TMED3: variants seen among roughly 807,000 people sequenced by gnomAD.
The protein encoded by TMED3 is transmembrane p24 trafficking protein 3.
A neutral mutation model predicts 15.0 loss-of-function variants in TMED3; 9 were observed. The observed-to-expected ratio is 0.60, with a 90% confidence interval of 0.36 to 1.04. TMED3 has a LOEUF of 1.04. TMED3 is among the 50% of genes least tolerant of loss of function. The pLI is 0.01. For synonymous variants in TMED3, 117 were observed against 121.4 expected, an observed-to-expected ratio of 0.96 and a Z score of 0.24; for missense variants, 267 against 278.9, an observed-to-expected ratio of 0.96 and a Z score of 0.30.
chr15:79,324,996 G>A (rs2058782263), downstream of TMED3, among the ~76,000 whole-genome samples: 1 of 152,128 alleles, frequency 6.6e-6, no homozygotes, highest in African/African-American at 2.4e-5. Flanking sequence ...AACAGAATTA[G>A]GATTCACCCT....
Position 79,322,348 on chromosome 15 carries a change from T to C in TMED3, c.*134T>C. ...TGCTGTGGTAGCCCTTTGCCTTTCA[T>C]GCCCATGCTTGATTCTTGCACCTCA... On this transcript the variant is annotated 3_prime_UTR_variant, in exon 3 of 3. Coordinates refer to ENST00000299705, the MANE Select transcript of TMED3 (RefSeq NM_007364.4). 6.8e-7 allele frequency: 1 copy of C among 1,478,830 alleles called. No individual in the cohort carries two copies. The highest frequency in any genetic ancestry group is 8.9e-7 in the Non-Finnish European group (1 of 1,119,534). 91.6% of individuals were successfully genotyped at this position (1,478,830 alleles called of 1,614,324 possible). A position where few individuals can be genotyped will look rare whatever the true frequency, so the allele number is the denominator to read the frequency against.
chr15:79,349,858 G>T (rs911965456), intron 2 of TMED3, among the ~76,000 whole-genome samples: 1 of 152,146 alleles, frequency 6.6e-6, no homozygotes, highest in African/African-American at 2.4e-5. Context: ...CCTATTGGAG[G>T]ACATTAATCC....
chr15:79,386,403 TTGTC>T (rs1366877426), intron 2 of TMED3, among the ~76,000 whole-genome samples: 3 of 152,204 alleles, frequency 2.0e-5, no homozygotes, highest in African/African-American at 4.8e-5. Context: ...AGCAAAAAGT[TTGTC>T]TGATCATTTT....
At chr15:79,395,821 A>T (rs189828893) in intron 2 of TMED3, among the ~76,000 whole-genome samples, 66 of 152,318 alleles carry the variant, frequency 4.3e-4, no homozygotes, top group Non-Finnish European at 1.3e-4. Flanking sequence ...TCAGGGTTTG[A>T]ACATTTTAAA....
intron 2 of TMED3, among the ~76,000 whole-genome samples, chr15:79,377,644 CTTTTTTTTT>C (rs71150905): frequency 1.6e-5 from 2 of 123,606 alleles, no homozygotes; most frequent in South Asian, 5.1e-4. Context: ...ACAAACCGTT[CTTTTTTTTT>C]TTTTTTTTTT....
At chr15:79,388,207 A>T (rs1428291114) in intron 2 of TMED3, among the ~76,000 whole-genome samples, 5 of 152,120 alleles carry the variant, frequency 3.3e-5, no homozygotes, top group Non-Finnish European at 5.9e-5. Flanking sequence ...ACCATTAATT[A>T]TGATGTTTTC....
chr15:79,410,529 T>C (rs1445279924), intron 2 of TMED3, among the ~76,000 whole-genome samples: 1 of 152,212 alleles, frequency 6.6e-6, no homozygotes, highest in Non-Finnish European at 1.5e-5. Context: ...TGGATGAAAA[T>C]TGGTTTAGGT....
chr15:79,366,119 A>G (rs934637773), intron 2 of TMED3, among the ~76,000 whole-genome samples: 2 of 152,174 alleles, frequency 1.3e-5, no homozygotes, highest in African/African-American at 4.8e-5. Context: ...GACCCAGCAC[A>G]TAGGGCCCTC....
chr15:79,313,842 A>G lies in TMED3; in HGVS notation c.254A>G (p.Tyr85Cys). 1 of 1,614,274 alleles carries G rather than the reference A, an allele frequency of 6.2e-7. No homozygotes were observed. The highest frequency in any genetic ancestry group is 8.5e-7 in the Non-Finnish European group (1 of 1,180,050). ...ATCTACAGAGAAACGAAGAAGCAGTACGACAGCTTCACGTACCGGGCTGAA... is the reference window on the plus strand; with the variant it reads ...ATCTACAGAGAAACGAAGAAGCAGTGCGACAGCTTCACGTACCGGGCTGAA... ...NTIYRETKKQYDSFTYRAEVK... is the reference protein window; with the variant it reads ...NTIYRETKKQCDSFTYRAEVK... The change falls in exon 2 of 3, where the codon TAC (tyrosine) becomes TGC (cysteine). Residue 85 changes from tyrosine (Y) to cysteine (C), a missense_variant. Physicochemically the swap from Tyr to Cys is radical, Grantham distance 194. Coordinates refer to ENST00000299705, the MANE Select transcript of TMED3 (RefSeq NM_007364.4).
intron 2 of TMED3, among the ~76,000 whole-genome samples, chr15:79,369,553 C>G (rs1285462497): frequency 1.3e-5 from 2 of 152,232 alleles, no homozygotes; most frequent in Non-Finnish European, 2.9e-5. Context: ...AGACCTCGCT[C>G]TTGTTAATTG....
chr15:79,349,060 A>G (rs8030972), intron 2 of TMED3, among the ~76,000 whole-genome samples: 73,759 of 151,842 alleles, frequency 0.49, 18,645 homozygotes, highest in African/African-American at 0.64. Flanking sequence ...GTGGTCTCGA[A>G]CTCCTGGGCT....
intron 2 of TMED3, among the ~76,000 whole-genome samples, chr15:79,321,099 ACTT>A (rs1314443368): frequency 1.3e-5 from 2 of 152,054 alleles, no homozygotes; most frequent in African/African-American, 4.8e-5. Flanking sequence ...AACTGTCTTG[ACTT>A]CTTCTGCAAC....
At chr15:79,337,098 G>A (rs1160920458) in intron 2 of TMED3, among the ~76,000 whole-genome samples, 6 of 152,158 alleles carry the variant, frequency 3.9e-5, no homozygotes, top group Non-Finnish European at 8.8e-5. Context: ...GTCATAGTCC[G>A]CTGGGGCTGC....
At chr15:79,398,612 C>T (rs916735486) in intron 2 of TMED3, among the ~76,000 whole-genome samples, 2 of 152,262 alleles carry the variant, frequency 1.3e-5, no homozygotes, top group South Asian at 2.1e-4. Flanking sequence ...AGAGTTAGTC[C>T]CCTTACTCCA....
intron 2 of TMED3, among the ~76,000 whole-genome samples, chr15:79,397,977 A>C (rs1309158007): frequency 1.3e-5 from 2 of 152,248 alleles, no homozygotes; most frequent in African/African-American, 2.4e-5. Context: ...ATGAATGTAC[A>C]TTAATACATC....
intron 2 of TMED3, among the ~76,000 whole-genome samples, chr15:79,331,869 A>G (rs1295765043): frequency 6.6e-6 from 1 of 152,222 alleles, no homozygotes; most frequent in African/African-American, 2.4e-5. Flanking sequence ...CACCCCAGTT[A>G]GGATGGCTAT....
chr15:79,353,080 A>G (rs1381527431), intron 2 of TMED3, among the ~76,000 whole-genome samples: 2 of 106,864 alleles, frequency 1.9e-5, no homozygotes, highest in African/African-American at 3.9e-5. Context: ...TATATATTAT[A>G]TATAAAATAT....
chr15:79,391,962 T>C (rs1365184858), intron 2 of TMED3, among the ~76,000 whole-genome samples: 1 of 152,138 alleles, frequency 6.6e-6, no homozygotes, highest in African/African-American at 2.4e-5. Context: ...TCAGTTTAAG[T>C]TTATGTTTGT....
intron 2 of TMED3, among the ~76,000 whole-genome samples, chr15:79,380,463 A>G (rs1893505827): frequency 6.8e-6 from 1 of 147,338 alleles, no homozygotes; most frequent in Non-Finnish European, 1.5e-5. Context: ...TATGTTATAT[A>G]TGGTTATATA....
Sources: allele counts gnomAD v4.1 joint callset (sites outside exome capture counted in the v4.1 genomes callset), GRCh38; gene constraint gnomAD v4.1.1; transcripts MANE v1.5; gene names NCBI Gene and HGNC (gene_info 2026-07-23, HGNC 2026-07-21).